PTPRM: variants seen among roughly 807,000 people sequenced by gnomAD.
PTPRM encodes the protein receptor-type tyrosine-protein phosphatase mu.
In PTPRM, 47 loss-of-function variants were observed where a neutral mutation model predicts 186.7. That is an observed-to-expected ratio of 0.25 (90% CI 0.20 to 0.32). The LOEUF is 0.32. Ranked by LOEUF, PTPRM falls within the 10% of genes least tolerant of loss-of-function variation. The pLI is 1.00. For missense variants in PTPRM, 1,494 were observed against 1,865.0 expected (o/e 0.80, Z 3.66); for synonymous variants, 668 against 674.9 (o/e 0.99, Z 0.16).
chr18:8,374,567 C>T (rs1341576213), intron 24 of PTPRM, among the ~76,000 whole-genome samples: 1 of 152,162 alleles, frequency 6.6e-6, no homozygotes, highest in African/African-American at 2.4e-5. Flanking sequence ...CAAACATTCC[C>T]TTGGTTTTAG....
At chr18:8,140,779 C>T (rs1404411839) in intron 13 of PTPRM, among the ~76,000 whole-genome samples, 1 of 151,936 alleles carries the variant, frequency 6.6e-6, no homozygotes. Flanking sequence ...ACAGAATACA[C>T]ACAAGAAGAG....
Position 8,001,283 on chromosome 18 carries a change from A to T in PTPRM, c.1132+45869A>T, listed in dbSNP as rs538906714. 3.3e-5 allele frequency among the ~76,000 whole-genome samples: 5 copies of T among 152,094 alleles called. No homozygotes were observed. The South Asian group carries it at 1.0e-3, about 32-fold the overall frequency. ...GGGGATAGCGATAGACTCCTCGTAA[A>T]CTCCAGGATGGAGCCTAGTTAGGCC... On this transcript the variant is annotated intron_variant, in intron 7 of 32. Transcript: ENST00000580170.
chr18:7,865,180 AC>A (rs1433600442), intron 2 of PTPRM, among the ~76,000 whole-genome samples: 15 of 152,058 alleles, frequency 9.9e-5, no homozygotes, highest in African/African-American at 3.1e-4. Context: ...CTAGTTGAAT[AC>A]CCTTTATTTC....
rs559874123 is a variant in PTPRM, at chr18:8,050,736, T to C, written c.1133-18950T>C. Among the ~76,000 whole-genome samples the C allele has an allele frequency of 1.5e-3, 222 of 152,250 alleles. 2 individuals are homozygous for C. Among genetic ancestry groups the C allele is most frequent in the African/African-American group, 5.2e-3 (218 of 41,544 alleles). On this transcript the variant is annotated intron_variant, in intron 7 of 32. Transcript: ENST00000580170. ...ATTTTTGTGGCAGTTTTCCAACAGA[T>C]GAAAATAAGTGTCTTGAGGAAGGAA...
chr18:8,079,267 C>T (rs1600440062), intron 9 of PTPRM, among the ~76,000 whole-genome samples: 1 of 152,130 alleles, frequency 6.6e-6, no homozygotes, highest in Non-Finnish European at 1.5e-5. Context: ...CCTTCTCGTA[C>T]GTTACCCTCC....
At chr18:8,181,789 C>T (rs561165159) in intron 14 of PTPRM, among the ~76,000 whole-genome samples, 23 of 152,200 alleles carry the variant, frequency 1.5e-4, no homozygotes, top group African/African-American at 5.1e-4. Flanking sequence ...TTTCCTTCAT[C>T]GGTGCTGGCA....
chr18:7,646,222 C>T (rs143847627), intron 1 of PTPRM, among the ~76,000 whole-genome samples: 2 of 152,268 alleles, frequency 1.3e-5, no homozygotes, highest in Non-Finnish European at 2.9e-5. Context: ...ATAAGGGGTG[C>T]AGGTGGGATT....
intron 7 of PTPRM, among the ~76,000 whole-genome samples, chr18:8,033,309 A>G (rs1442840027): frequency 7.0e-6 from 1 of 143,112 alleles, no homozygotes; most frequent in African/African-American, 3.1e-5. Flanking sequence ...ATGTAACTAT[A>G]CATATGTACT....
intron 7 of PTPRM, among the ~76,000 whole-genome samples, chr18:8,061,565 C>T (rs2148362852): frequency 1.1e-5 from 1 of 92,850 alleles, no homozygotes. Context: ...ATGGTCTTTA[C>T]ATTTTGGCAT....
At chr18:8,338,958 AG>A (rs145943279) in intron 22 of PTPRM, among the ~76,000 whole-genome samples, 1 of 152,250 alleles carries the variant, frequency 6.6e-6, no homozygotes, top group Non-Finnish European at 1.5e-5. Flanking sequence ...TTATAGATGT[AG>A]GGGTACAAGT....
chr18:8,117,490 T>C (rs1204453669), intron 13 of PTPRM, among the ~76,000 whole-genome samples: 1 of 152,224 alleles, frequency 6.6e-6, no homozygotes, highest in African/African-American at 2.4e-5. Flanking sequence ...CTCTTAAAAA[T>C]ATATTTCATA....
At chr18:8,075,266 C>A (rs1305491155) in intron 8 of PTPRM, among the ~76,000 whole-genome samples, 3 of 151,114 alleles carry the variant, frequency 2.0e-5, no homozygotes, top group Non-Finnish European at 4.4e-5. Context: ...ATCTATCTAT[C>A]TATATATATA....
chr18:8,312,748 A>G (rs1357543199), intron 20 of PTPRM, among the ~76,000 whole-genome samples: 1 of 152,096 alleles, frequency 6.6e-6, no homozygotes, highest in Non-Finnish European at 1.5e-5. Context: ...TGCTCATCCC[A>G]TAGTCTCCTG....
intron 23 of PTPRM, among the ~76,000 whole-genome samples, chr18:8,357,571 T>C (rs2095570207): frequency 6.6e-6 from 1 of 152,162 alleles, no homozygotes. Flanking sequence ...TGGAGGACTC[T>C]CACGATCGTT....
At chr18:8,196,117 A>G (rs954167122) in intron 14 of PTPRM, among the ~76,000 whole-genome samples, 1 of 152,212 alleles carries the variant, frequency 6.6e-6, no homozygotes, top group Non-Finnish European at 1.5e-5. Context: ...GCCATCCCCT[A>G]GAGTGTGAAC....
intron 1 of PTPRM, among the ~76,000 whole-genome samples, chr18:7,744,341 G>C (rs950106149): frequency 8.6e-5 from 13 of 151,722 alleles, no homozygotes; most frequent in Admixed American, 7.9e-4. Flanking sequence ...TGAAATGGCA[G>C]GTGGAAAAAA....
intron 14 of PTPRM, among the ~76,000 whole-genome samples, chr18:8,208,913 A>C (rs1223135405): frequency 1.3e-5 from 2 of 152,214 alleles, no homozygotes; most frequent in East Asian, 3.9e-4. Flanking sequence ...CAGTGCATGC[A>C]GGAGAGCATA....
intron 23 of PTPRM, among the ~76,000 whole-genome samples, chr18:8,354,225 A>AAG (rs397744165): frequency 2.0e-5 from 3 of 150,754 alleles, no homozygotes; most frequent in Non-Finnish European, 4.4e-5. Context: ...AAAAAAAAAA[A>AAG]GTATAATGCA....
chr18:8,159,428 A>T (rs537298338), intron 14 of PTPRM, among the ~76,000 whole-genome samples: 3 of 152,318 alleles, frequency 2.0e-5, no homozygotes, highest in Non-Finnish European at 4.4e-5. Flanking sequence ...GTAAAAATGG[A>T]TTCATTTATT....
Sources: gnomAD v4.1 joint callset for allele counts (sites outside exome capture counted in the v4.1 genomes callset) on GRCh38, gnomAD v4.1.1 for gene constraint, MANE v1.5 for transcripts, NCBI Gene and HGNC (gene_info 2026-07-23, HGNC 2026-07-21) for gene names.